Variants in ZBTB7C observed in about 807,000 individuals in gnomAD.
ZBTB7C encodes zinc finger and BTB domain-containing protein 7C.
Under a neutral mutation model 25.7 loss-of-function variants are expected in ZBTB7C, and 8 were observed. The ratio of observed to expected loss-of-function variants is 0.31; its 90% confidence interval spans 0.18 to 0.56. ZBTB7C has a LOEUF of 0.56. ZBTB7C is among the 20% of genes least tolerant of loss of function. The pLI is 0.91. For synonymous variants in ZBTB7C, 394 were observed against 369.0 expected, an observed-to-expected ratio of 1.07 and a Z score of -0.78; for missense variants, 824 against 855.2, an observed-to-expected ratio of 0.96 and a Z score of 0.46.
At chr18:48,389,351 G>A (rs1349793058) in intron 1 of ZBTB7C, among the ~76,000 whole-genome samples, 1 of 128,912 alleles carries the variant, frequency 7.8e-6, no homozygotes, top group East Asian at 2.0e-4. Context: ...TGAAGGCAGA[G>A]GGCTTCAAAG....
At chr18:48,166,517 G>A (rs1479218005) in intron 3 of ZBTB7C, among the ~76,000 whole-genome samples, 3 of 152,166 alleles carry the variant, frequency 2.0e-5, no homozygotes, top group Non-Finnish European at 4.4e-5. Flanking sequence ...TGGGGTGGGA[G>A]TCCCAACATG....
chr18:48,275,547 T>C (rs1373497336), intron 2 of ZBTB7C, among the ~76,000 whole-genome samples: 1 of 152,184 alleles, frequency 6.6e-6, no homozygotes, highest in East Asian at 1.9e-4. Context: ...CGACTTGCCC[T>C]AAATCACAGG....
At chr18:48,107,562 G>A (rs1369795714) in intron 3 of ZBTB7C, among the ~76,000 whole-genome samples, 2 of 152,094 alleles carry the variant, frequency 1.3e-5, no homozygotes, top group Non-Finnish European at 2.9e-5. Flanking sequence ...GGAACCTGGA[G>A]ATGTTTCTGG....
At chr18:48,150,597 A>T (rs1434419412) in intron 3 of ZBTB7C, 2 of 152,166 alleles carry the variant, frequency 1.3e-5, no homozygotes, top group Non-Finnish European at 2.9e-5. Flanking sequence ...AAAAAAAAAA[A>T]AAAATACAGT....
At chr18:48,154,070 C>G (rs1285328112) in intron 3 of ZBTB7C, among the ~76,000 whole-genome samples, 1 of 152,174 alleles carries the variant, frequency 6.6e-6, no homozygotes, top group Non-Finnish European at 1.5e-5. Flanking sequence ...GATGCAGAGT[C>G]TGAGAGGCCT....
chr18:48,334,001 C>A (rs767633551), intron 2 of ZBTB7C, among the ~76,000 whole-genome samples: 1 of 152,156 alleles, frequency 6.6e-6, no homozygotes, highest in African/African-American at 2.4e-5. Context: ...ACTTCCTCCA[C>A]GCCAGGCCCA....
chr18:48,054,848 C>T (rs1282243204), intron 3 of ZBTB7C, among the ~76,000 whole-genome samples: 1 of 152,154 alleles, frequency 6.6e-6, no homozygotes, highest in African/African-American at 2.4e-5. Context: ...CTCCCTTGCC[C>T]ACTGCAGAAG....
chr18:48,181,809 C>A (rs989227713), intron 3 of ZBTB7C, among the ~76,000 whole-genome samples: 2 of 152,212 alleles, frequency 1.3e-5, no homozygotes, highest in East Asian at 1.9e-4. Flanking sequence ...CCTTCAGTCA[C>A]CCCCACAATT....
intron 3 of ZBTB7C, among the ~76,000 whole-genome samples, chr18:48,114,814 G>A (rs1299773978): frequency 6.6e-6 from 1 of 152,158 alleles, no homozygotes. Context: ...AGGTAGAAAA[G>A]CAAGCTGCAG....
chr18:48,038,888 C>T (rs2036092220), intron 4 of ZBTB7C, among the ~76,000 whole-genome samples: 8 of 152,124 alleles, frequency 5.3e-5, no homozygotes, highest in Admixed American at 2.0e-4. Context: ...GCCAGGCCAC[C>T]CACCAGAGCC....
At chr18:48,141,063 T>C (rs1252977895) in intron 3 of ZBTB7C, among the ~76,000 whole-genome samples, 1 of 152,030 alleles carries the variant, frequency 6.6e-6, no homozygotes, top group African/African-American at 2.4e-5. Flanking sequence ...CTTTAGACTA[T>C]TCACCATAGC....
chr18:48,399,085 A>G (rs759269796), intron 1 of ZBTB7C, among the ~76,000 whole-genome samples: 1 of 152,254 alleles, frequency 6.6e-6, no homozygotes, highest in African/African-American at 2.4e-5. Flanking sequence ...AGACAGTCAG[A>G]TATCTCCAAG....
In ZBTB7C at chr18:48,317,364, T is replaced by C. The variant is rs1329558217; in HGVS notation, c.-79+20810A>G. The stretch of plus-strand genomic sequence containing the variant: ...ACATCACAGCCAAAGCTAAAGCCTT[T>C]AGTGGAGCGGGATCTTCAACTTGTG... On this transcript the variant is annotated intron_variant, in intron 2 of 4. Coordinates refer to ENST00000590800, the MANE Select transcript of ZBTB7C (RefSeq NM_001318841.2). Among the ~76,000 whole-genome samples, 5 of 152,164 alleles carry C rather than the reference T, an allele frequency of 3.3e-5. No individual in the cohort carries two copies. The East Asian group carries it at 7.7e-4, about 24-fold the overall frequency.
chr18:48,142,425 T>C (rs2040376145), intron 3 of ZBTB7C, among the ~76,000 whole-genome samples: 1 of 152,078 alleles, frequency 6.6e-6, no homozygotes, highest in Non-Finnish European at 1.5e-5. Flanking sequence ...GCTGGGTTGT[T>C]CTCTCTGTGG....
At chr18:48,379,658 A>C (rs2047593915) in intron 1 of ZBTB7C, among the ~76,000 whole-genome samples, 1 of 152,190 alleles carries the variant, frequency 6.6e-6, no homozygotes, top group Non-Finnish European at 1.5e-5. Flanking sequence ...AGATCTATGA[A>C]AGACACTGGT....
Position 48,076,171 on chromosome 18 carries a change from C to T in ZBTB7C, c.-16-35048G>A, listed in dbSNP as rs542488091. ...GATAATGGGTCCCCACTAAATGAGC[C>T]GCTTCTATGTTCCTAGTGGCTTGTG... On this transcript the variant is annotated intron_variant, in intron 3 of 4. Transcript: ENST00000590800. Among the ~76,000 whole-genome samples the T allele has an allele frequency of 5.8e-4, 89 of 152,244 alleles. 2 individuals are homozygous for T. The highest frequency in any genetic ancestry group is 1.5e-3 in the African/African-American group (62 of 41,558).
intron 2 of ZBTB7C, among the ~76,000 whole-genome samples, chr18:48,235,745 A>G (rs1045145230): frequency 6.6e-6 from 1 of 152,154 alleles, no homozygotes; most frequent in Non-Finnish European, 1.5e-5. Flanking sequence ...CCCCCGCCTC[A>G]GCACTTTGAA....
chr18:48,152,832 T>C (rs2040720221), intron 3 of ZBTB7C, among the ~76,000 whole-genome samples: 1 of 152,254 alleles, frequency 6.6e-6, no homozygotes, highest in South Asian at 2.1e-4. Flanking sequence ...TCAGGCACTG[T>C]GCTAAGCGCT....
At chr18:48,197,587 A>G (rs529270333) in intron 2 of ZBTB7C, among the ~76,000 whole-genome samples, 6 of 152,238 alleles carry the variant, frequency 3.9e-5, no homozygotes, top group Non-Finnish European at 8.8e-5. Context: ...GAAATCTGTC[A>G]TAGTTCTGGA....
Sources: allele counts gnomAD v4.1 joint callset (sites outside exome capture counted in the v4.1 genomes callset), GRCh38; gene constraint gnomAD v4.1.1; transcripts MANE v1.5; gene names NCBI Gene and HGNC (gene_info 2026-07-23, HGNC 2026-07-21).